Variants in DLG2 observed in about 807,000 individuals in gnomAD.
The protein encoded by DLG2 is discs large MAGUK scaffold protein 2, also known as disks large homolog 2.
A neutral mutation model predicts 132.5 loss-of-function variants in DLG2; 45 were observed. The observed-to-expected ratio is 0.34, with a 90% CI of 0.27 to 0.44. The LOEUF (loss-of-function observed/expected upper bound fraction) is 0.44. DLG2 is among the 20% of genes least tolerant of loss of function. The pLI, the probability that DLG2 is intolerant of heterozygous loss-of-function variation, is 1.00. For missense variants in DLG2, 1,045 were observed against 1,196.9 expected, an observed-to-expected ratio of 0.87 and a Z score of 1.87; for synonymous variants, 424 against 419.6, an observed-to-expected ratio of 1.01 and a Z score of -0.13.
At chr11:84,787,524 A>C (rs1290681172) in intron 6 of DLG2, among the ~76,000 whole-genome samples, 1 of 152,180 alleles carries the variant, frequency 6.6e-6, no homozygotes, top group Non-Finnish European at 1.5e-5. Flanking sequence ...AGGAAGAAAT[A>C]AATGCTTATT....
At chr11:85,512,510 C>T (rs972239358) in intron 3 of DLG2, among the ~76,000 whole-genome samples, 1 of 151,948 alleles carries the variant, frequency 6.6e-6, no homozygotes, top group Non-Finnish European at 1.5e-5. Flanking sequence ...TAATATAACC[C>T]TATTTATAGA....
At chr11:85,390,637 C>A (rs1321894269) in intron 3 of DLG2, among the ~76,000 whole-genome samples, 1 of 151,928 alleles carries the variant, frequency 6.6e-6, no homozygotes, top group Non-Finnish European at 1.5e-5. Flanking sequence ...CCAAAAGGAA[C>A]CCTCAAAATC....
chr11:84,037,803 T>G (rs2095909307), intron 11 of DLG2, among the ~76,000 whole-genome samples: 2 of 152,150 alleles, frequency 1.3e-5, no homozygotes, highest in African/African-American at 4.8e-5. Context: ...CATTTTCAGT[T>G]TCATACATGT....
chr11:84,300,073 T>C (rs1037580101), intron 7 of DLG2, among the ~76,000 whole-genome samples: 2 of 152,084 alleles, frequency 1.3e-5, no homozygotes, highest in Admixed American at 6.5e-5. Flanking sequence ...TTTTAAGACA[T>C]GTAGACTCAA....
rs184557253 is a variant in DLG2, at chr11:84,061,208, T to C, written c.750-1724A>G. Among the ~76,000 whole-genome samples, 83 of 152,326 alleles carry C rather than the reference T, an allele frequency of 5.4e-4. 1 individual carries two copies. The highest frequency in any genetic ancestry group is 3.4e-3 in the Middle Eastern group (1 of 294). ...ATTTCCTTAGCCTCTCTAAGCCTTA[T>C]TATATTCTCATCTGTAAATTGGATA... is the stretch of plus-strand genomic sequence containing the variant. On this transcript the variant is annotated intron_variant, in intron 10 of 27. Transcript: ENST00000376104.
chr11:85,582,654 T>C (rs2078609784), intron 3 of DLG2, among the ~76,000 whole-genome samples: 1 of 30,198 alleles, frequency 3.3e-5, no homozygotes, highest in South Asian at 1.2e-3. Flanking sequence ...TGAAACCCCA[T>C]CTCTACAAAA....
At chr11:83,791,065 G>A (rs1384387401) in intron 17 of DLG2, 4 of 708,880 alleles carry the variant, frequency 5.6e-6, no homozygotes, top group Admixed American at 2.4e-5. Context: ...AAATCCTTTC[G>A]GACGCCATTC....
At chr11:83,596,800 A>G (rs1004970691) in intron 19 of DLG2, among the ~76,000 whole-genome samples, 1 of 124,598 alleles carries the variant, frequency 8.0e-6, no homozygotes, top group African/African-American at 3.1e-5. Context: ...CCTCCTGCTT[A>G]TCATTTTTTC....
intron 4 of DLG2, among the ~76,000 whole-genome samples, chr11:85,206,707 C>T (rs1037317638): frequency 1.3e-4 from 20 of 152,028 alleles, no homozygotes; most frequent in African/African-American, 4.8e-4. Flanking sequence ...GTGGTAGGCA[C>T]CTGTAATCCC....
At chr11:85,263,446 C>T (rs1406979905) in intron 4 of DLG2, among the ~76,000 whole-genome samples, 1 of 152,184 alleles carries the variant, frequency 6.6e-6, no homozygotes, top group East Asian at 1.9e-4. Context: ...TTGTGCCACA[C>T]ATAGGGATTG....
intron 15 of DLG2, among the ~76,000 whole-genome samples, chr11:83,885,725 G>A (rs1178972746): frequency 1.3e-5 from 2 of 152,188 alleles, no homozygotes; most frequent in African/African-American, 4.8e-5. Context: ...ACAAAGGGAA[G>A]CCCATCAGAC....
At chr11:84,896,552 G>A (rs566945393) in intron 6 of DLG2, among the ~76,000 whole-genome samples, 1 of 152,140 alleles carries the variant, frequency 6.6e-6, no homozygotes, top group Non-Finnish European at 1.5e-5. Context: ...CCTGCCATTT[G>A]TTGAGTTCTC....
chr11:83,651,993 T>C (rs997158526), intron 18 of DLG2: 1 of 386,102 alleles, frequency 2.6e-6, no homozygotes, highest in Non-Finnish European at 5.5e-6. Flanking sequence ...CCTGTGTTGG[T>C]CTAATCAAAT....
chr11:84,601,009 A>T (rs116405706), intron 6 of DLG2, among the ~76,000 whole-genome samples: 80 of 152,310 alleles, frequency 5.3e-4, no homozygotes, highest in African/African-American at 1.9e-3. Flanking sequence ...TGACTAATTA[A>T]AATATGAACT....
chr11:83,633,113 T>A (rs2063855790), intron 19 of DLG2, 98 bp downstream of exon 19: 1 of 1,055,564 alleles, frequency 9.5e-7, no homozygotes, highest in South Asian at 1.3e-5. Flanking sequence ...GAAAGTGGGT[T>A]AAGTGGGACA....
intron 6 of DLG2, among the ~76,000 whole-genome samples, chr11:84,775,916 A>C (rs1013486054): frequency 6.6e-6 from 1 of 152,210 alleles, no homozygotes; most frequent in Admixed American, 6.5e-5. Context: ...TTAAAAAGGA[A>C]TTAGGAAAGG....
At chr11:85,086,278 C>A (rs1379904337) in intron 6 of DLG2, among the ~76,000 whole-genome samples, 1 of 152,078 alleles carries the variant, frequency 6.6e-6, no homozygotes, top group South Asian at 2.1e-4. Flanking sequence ...TATCCAATTT[C>A]TTTTAGGGTT....
At chr11:83,720,294 GAAAAAAAAAAAAAAA>G (rs10573464) in intron 18 of DLG2, among the ~76,000 whole-genome samples, 28 of 27,306 alleles carry the variant, frequency 1.0e-3, no homozygotes, top group East Asian at 9.7e-3. Context: ...CTCCATCTCA[GAAAAAAAAAAAAAAA>G]AAAAAAAAAA....
chr11:85,032,905 C>T (rs1044321521), intron 6 of DLG2, among the ~76,000 whole-genome samples: 2 of 152,168 alleles, frequency 1.3e-5, no homozygotes, highest in Non-Finnish European at 2.9e-5. Flanking sequence ...AAACTCCTTA[C>T]AGGCTATTTC....
Sources: allele counts gnomAD v4.1 joint callset (sites outside exome capture counted in the v4.1 genomes callset), GRCh38; gene constraint gnomAD v4.1.1; transcripts MANE v1.5; gene names NCBI Gene and HGNC (gene_info 2026-07-23, HGNC 2026-07-21).